RBBP8NL: variants seen among roughly 807,000 people sequenced by gnomAD.
RBBP8NL encodes RBBP8 N-terminal like.
Under a neutral mutation model 62.2 loss-of-function variants are expected in RBBP8NL, and 59 were observed. The observed-to-expected ratio is 0.95, with a 90% CI of 0.77 to 1.18. The LOEUF is 1.18. Among genes scored for constraint, RBBP8NL ranks in the 50% most tolerant of loss-of-function variants. The pLI, the probability that RBBP8NL is intolerant of heterozygous loss-of-function variation, is 0.00. For missense variants in RBBP8NL, 896 were observed against 899.5 expected (o/e 1.00, Z 0.05); for synonymous variants, 412 against 394.1 (o/e 1.05, Z -0.54).
rs369153183 is a variant in RBBP8NL at position 62,415,140 on chromosome 20, G to A, written c.775C>T (p.Arg259Cys). 1.1e-5 allele frequency: 16 copies of A among 1,494,088 alleles called. No homozygotes were observed. The highest frequency in any genetic ancestry group is 2.7e-5 in the South Asian group (2 of 74,230). 92.6% of individuals were successfully genotyped at this position (1,494,088 alleles called of 1,614,324 possible). ...RSSPPSPAYE[R>C]GLSLDSFLRA... ...GGGCACCTGTCCAGGGAGAGGCCAC[G>A]CTCATACGCTGGGCTGGGTGGGCTG... Residue 259 changes from arginine (R) to cysteine (C), a missense_variant, in exon 9 of 14, where the codon CGT becomes TGT. By Grantham distance (180) the Arg-to-Cys change is radical. Coordinates refer to ENST00000252998, the MANE Select transcript of RBBP8NL (RefSeq NM_080833.3).
At position 62,417,316 on chromosome 20, in the gene RBBP8NL, G is replaced by C. The variant is rs147470684; in HGVS notation, c.108C>G (p.Asp36Glu). The change falls in exon 4 of 14, where the codon GAC becomes GAG. Residue 36 changes from aspartate to glutamate, a missense_variant. By Grantham distance (45) the Asp-to-Glu change is conservative. Coordinates refer to ENST00000252998, the MANE Select transcript of RBBP8NL (RefSeq NM_080833.3). ...LLELNSERCRDAQRIEELFSK... is the reference protein window; with the variant it reads ...LLELNSERCREAQRIEELFSK... ...AGAAGAGCTCCTCGATCCTCTGGGC[G>C]TCCCTGTGGTGGGAAACAGCTAAAG... 12 of 1,590,636 alleles carry C rather than the reference G, an allele frequency of 7.5e-6. No individual in the cohort carries two copies. The highest frequency in any genetic ancestry group is 1.0e-5 in the Non-Finnish European group (12 of 1,168,876).
In RBBP8NL at chr20:62,414,428, AG is replaced by A. The variant is rs1193757889; in HGVS notation, c.922del (p.Leu308TrpfsTer15). 2.6e-6 allele frequency: 4 copies of A among 1,524,380 alleles called. No homozygotes were observed. The highest frequency in any genetic ancestry group is 2.1e-5 in the Admixed American group (1 of 48,648). The allele number at this position is 1,524,380 out of a possible 1,614,324, so 94.4% of individuals were successfully genotyped here. A position where few individuals can be genotyped will look rare whatever the true frequency, so the allele number is the denominator to read the frequency against. ...LHLQSPHSSP[L>X]APAAAPSDPR... Reference sequence around the variant, plus strand: ...GTCGCTGGGGGCTGCAGCAGGGGCCAGGGGGCTGCTGTGGGGGCTCTGAAGG... The same window carrying A: ...GTCGCTGGGGGCTGCAGCAGGGGCCAGGGGCTGCTGTGGGGGCTCTGAAGG... On this transcript the variant is annotated frameshift_variant, in exon 10 of 14. Transcript: ENST00000252998. LOFTEE classifies it high-confidence loss of function.
intron 1 of RBBP8NL, among the ~76,000 whole-genome samples, chr20:62,420,436 GAC>G (rs1024291416): frequency 5.2e-4 from 78 of 150,366 alleles, no homozygotes; most frequent in African/African-American, 1.8e-3. Flanking sequence ...ATATGCAAAA[GAC>G]ACACACAGAG....
Position 62,416,175 on chromosome 20 carries a change from A to G in RBBP8NL, c.375T>C (p.Leu125=), listed in dbSNP as rs764741189. ...NETLKEEVKR[L]RGLGDRPKPR... is the part of the protein sequence containing the mutation. ...CCTTTCCCACTCACCCCAGGCCCCG[A>G]AGCCGCTTCACCTCCTCCTTCAAGG... Residue 125 remains leucine (L), a synonymous_variant, in exon 6 of 14, where the codon CTT becomes CTC. Transcript: ENST00000252998. 6.2e-7 allele frequency: 1 copy of G among 1,612,478 alleles called. No homozygotes were observed. Among genetic ancestry groups the G allele is most frequent in the Admixed American group, 1.7e-5 (1 of 59,894 alleles).
At chr20:62,425,399 G>A (rs774598879) in intron 1 of RBBP8NL, among the ~76,000 whole-genome samples, 5 of 152,194 alleles carry the variant, frequency 3.3e-5, no homozygotes, top group East Asian at 1.9e-4. Context: ...ATCCTTGGAC[G>A]GCTGCTCACT....
chr20:62,416,260 A>G (rs960709058), intron 5 of RBBP8NL, 24 bp from the exon 6 acceptor site: 7 of 783,446 alleles, frequency 8.9e-6, no homozygotes, highest in Non-Finnish European at 1.4e-5. Flanking sequence ...TGATGAGCAA[A>G]GCAGCCAGGG....
chr20:62,415,495 G>A, intron 8 of RBBP8NL, 83 bp downstream of exon 8: 1 of 1,475,814 alleles, frequency 6.8e-7, no homozygotes, highest in Admixed American at 1.7e-5. Flanking sequence ...TGAGAGGCTG[G>A]CATACTGAAA....
At chr20:62,416,962 C>A (rs922413548) in intron 4 of RBBP8NL, 90 bp from the exon 5 acceptor site, 1 of 1,063,876 alleles carries the variant, frequency 9.4e-7, no homozygotes, top group South Asian at 1.5e-5. Context: ...TGGGAAGTGC[C>A]CCTGCCCTTT....
rs1309779422 is a variant in RBBP8NL, at chr20:62,412,696, A to T, written c.1804T>A (p.Cys602Ser). The T allele has an allele frequency of 6.2e-7, 1 of 1,609,460 alleles. No individual in the cohort carries two copies. The highest frequency in any genetic ancestry group is 2.2e-5 in the East Asian group (1 of 44,864). Residue 602 changes from cysteine to serine, a missense_variant, in exon 13 of 14, where the codon TGC becomes AGC. By Grantham distance (112) the Cys-to-Ser change is moderately radical. Transcript: ENST00000252998. ...TTSTTGEGPE[C>S]ICTQEHGQGP... ...TGCCCGTGCTCCTGGGTGCAGATGC[A>T]CTCAGGCCCCTCCCCGGTCGTGCTC...
At chr20:62,413,078 C>T (rs1988472219) in intron 11 of RBBP8NL, among the ~76,000 whole-genome samples, 178 bp from the exon 12 acceptor site, 1 of 152,258 alleles carries the variant, frequency 6.6e-6, no homozygotes, top group Non-Finnish European at 1.5e-5. Flanking sequence ...GGGCCCAGGC[C>T]TAGTGTCCCC....
chr20:62,419,908 G>C (rs555709802), intron 1 of RBBP8NL, among the ~76,000 whole-genome samples, 178 bp from the exon 2 acceptor site: 16 of 152,348 alleles, frequency 1.1e-4, no homozygotes, highest in Admixed American at 9.8e-4. Flanking sequence ...CACAGAGATA[G>C]TACATTGTGT....
At chr20:62,426,771 C>T (rs1256718299) in intron 1 of RBBP8NL, among the ~76,000 whole-genome samples, 3 of 152,182 alleles carry the variant, frequency 2.0e-5, no homozygotes, top group East Asian at 1.9e-4. Context: ...TGCACATGCA[C>T]TCGTGTACCC....
chr20:62,425,189 A>G (rs1461215083), intron 1 of RBBP8NL, among the ~76,000 whole-genome samples: 5 of 152,162 alleles, frequency 3.3e-5, no homozygotes, highest in Non-Finnish European at 7.4e-5. Flanking sequence ...TGAGCAGCCG[A>G]GGGAGACCCC....
At chr20:62,416,022 C>G in intron 6 of RBBP8NL, 77 bp from the exon 7 acceptor site, 1 of 1,477,732 alleles carries the variant, frequency 6.8e-7, no homozygotes, top group Non-Finnish European at 9.1e-7. Context: ...GGGCCCACTC[C>G]TGGGTGACCC....
chr20:62,410,932 CCTTGGG>C lies in RBBP8NL; in HGVS notation c.1935_1940del (p.Ser645_Pro646del). The C allele has an allele frequency of 6.2e-7, 1 of 1,613,736 alleles. No homozygotes were observed. Among genetic ancestry groups the C allele is most frequent in the Non-Finnish European group, 8.5e-7 (1 of 1,179,940 alleles). On this transcript the variant is annotated inframe_deletion, in exon 14 of 14. Transcript: ENST00000252998. Reference sequence around the variant, plus strand: ...GGGAGGGACTGTGGTCCTCGGCGTCCCTTGGGCTCCCGGGCCCCTCAGTGGCTGTCA... The same window carrying C: ...GGGAGGGACTGTGGTCCTCGGCGTCCCTCCCGGGCCCCTCAGTGGCTGTCA...
At chr20:62,417,397 G>A (rs1988593695) in intron 3 of RBBP8NL, 78 bp from the exon 4 acceptor site, 1 of 1,215,540 alleles carries the variant, frequency 8.2e-7, no homozygotes, top group African/African-American at 1.5e-5. Context: ...CAGCCTGGGG[G>A]GGCAGCGCGA....
At chr20:62,416,945 C>A in intron 4 of RBBP8NL, 73 bp from the exon 5 acceptor site, 1 of 1,195,264 alleles carries the variant, frequency 8.4e-7, no homozygotes, top group Non-Finnish European at 1.2e-6. Flanking sequence ...ACTCACTGCC[C>A]CACTGCTGGG....
chr20:62,418,342 G>C, intron 3 of RBBP8NL, 81 bp downstream of exon 3: 1 of 1,327,716 alleles, frequency 7.5e-7, no homozygotes, highest in Non-Finnish European at 1.1e-6. Flanking sequence ...GACGGTGGTA[G>C]TGCTGGCACA....
chr20:62,424,031 TGCA>T (rs1428694640), intron 1 of RBBP8NL, among the ~76,000 whole-genome samples: 1 of 88,278 alleles, frequency 1.1e-5, no homozygotes, highest in Non-Finnish European at 2.3e-5. Context: ...GGGTGGGGGC[TGCA>T]GTGGGGCTGT....
Sources: gnomAD v4.1 joint callset for allele counts (sites outside exome capture counted in the v4.1 genomes callset) on GRCh38, gnomAD v4.1.1 for gene constraint, MANE v1.5 for transcripts, NCBI Gene and HGNC (gene_info 2026-07-23, HGNC 2026-07-21) for gene names.